CENPP: variants seen among roughly 807,000 people sequenced by gnomAD.
The protein encoded by CENPP is centromere protein P.
In CENPP, 24 loss-of-function variants were observed where a neutral mutation model predicts 35.6. The ratio of observed to expected loss-of-function variants is 0.67; its 90% CI spans 0.49 to 0.95. CENPP has a LOEUF of 0.95. Ranked by LOEUF, CENPP falls within the 40% of genes least tolerant of loss-of-function variation. The probability of loss-of-function intolerance (pLI) is 0.00; values close to 1 mark genes in which losing one functional copy is unlikely to be tolerated. For missense variants in CENPP, 332 were observed against 345.3 expected, an observed-to-expected ratio of 0.96 and a Z score of 0.31; for synonymous variants, 120 against 125.5, an observed-to-expected ratio of 0.96 and a Z score of 0.29.
At position 92,355,282 on chromosome 9, in the gene CENPP, C is replaced by A. The variant is rs571672929; in HGVS notation, c.467+9495C>A. Among the ~76,000 whole-genome samples the A allele has an allele frequency of 4.6e-5, 7 of 152,240 alleles. No individual in the cohort carries two copies. In the South Asian group the frequency reaches 8.3e-4, roughly 18 times the overall value. On this transcript the variant is annotated intron_variant, in intron 4 of 7. Transcript: ENST00000375587. ...CAGAGTGGCTGTTTATAGACCTCCCCCCAGGAATGCATTCCTTTCCCAGGG... is the reference window on the plus strand; with the variant it reads ...CAGAGTGGCTGTTTATAGACCTCCCACCAGGAATGCATTCCTTTCCCAGGG...
chr9:92,470,237 C>G (rs1845461787), intron 5 of CENPP, among the ~76,000 whole-genome samples: 1 of 152,074 alleles, frequency 6.6e-6, no homozygotes, highest in Non-Finnish European at 1.5e-5. Flanking sequence ...AATAAATAAG[C>G]CATACATGTA....
intron 6 of CENPP, 53 bp downstream of exon 6, chr9:92,611,446 C>A: frequency 7.1e-7 from 1 of 1,409,798 alleles, no homozygotes; most frequent in Non-Finnish European, 9.9e-7. Flanking sequence ...ACAAGGATTC[C>A]AAGTAGGAGA....
rs915065491 is a variant in CENPP, at chr9:92,475,052, T to G, written c.564+95193T>G. Reference sequence around the variant, plus strand: ...TTGCTTAGCTAATCTGAGAGTAAATTTATAAAGATTTTTGGAAAGCAATTC... The same window carrying G: ...TTGCTTAGCTAATCTGAGAGTAAATGTATAAAGATTTTTGGAAAGCAATTC... On this transcript the variant is annotated intron_variant, in intron 5 of 7. Transcript: ENST00000375587. 23 of 1,060,154 alleles carry G rather than the reference T, an allele frequency of 2.2e-5. No individual in the cohort carries two copies. The African/African-American group carries it at 3.9e-4, about 18-fold the overall frequency. The allele number at this position is 1,060,154 out of a possible 1,614,324, so 65.7% of individuals were successfully genotyped here.
chr9:92,482,056 GAA>G (rs961859046), intron 5 of CENPP, among the ~76,000 whole-genome samples: 1 of 149,176 alleles, frequency 6.7e-6, no homozygotes, highest in Non-Finnish European at 1.5e-5. Context: ...TCACTTAGCT[GAA>G]AAAAAAAGTC....
chr9:92,353,024 A>G (rs1414073852), intron 4 of CENPP, among the ~76,000 whole-genome samples: 2 of 152,172 alleles, frequency 1.3e-5, no homozygotes, highest in Non-Finnish European at 2.9e-5. Context: ...TGCCTAACAT[A>G]CAACTATCCT....
intron 5 of CENPP, among the ~76,000 whole-genome samples, chr9:92,438,016 C>T (rs1359262617): frequency 6.6e-6 from 1 of 151,118 alleles, no homozygotes; most frequent in Non-Finnish European, 1.5e-5. Context: ...CTGTGTTGCC[C>T]AGGCTGGTCT....
At chr9:92,492,836 A>C (rs1424645259) in intron 5 of CENPP, among the ~76,000 whole-genome samples, 1 of 152,140 alleles carries the variant, frequency 6.6e-6, no homozygotes, top group African/African-American at 2.4e-5. Flanking sequence ...CTCATGTGCC[A>C]CCTGCCCTCA....
intron 5 of CENPP, among the ~76,000 whole-genome samples, chr9:92,485,996 G>C (rs1046579779): frequency 1.3e-5 from 2 of 152,232 alleles, no homozygotes; most frequent in East Asian, 1.9e-4. Flanking sequence ...AATTGGAATA[G>C]ATTGTACAAT....
chr9:92,358,223 C>T (rs1237006684), intron 4 of CENPP, among the ~76,000 whole-genome samples: 3 of 151,660 alleles, frequency 2.0e-5, no homozygotes, highest in African/African-American at 7.3e-5. Flanking sequence ...GACATGTCCC[C>T]ATGTCCCACA....
chr9:92,325,907 C>A, upstream of CENPP: 2 of 1,117,570 alleles, frequency 1.8e-6, no homozygotes, highest in Non-Finnish European at 2.6e-6. Flanking sequence ...ATGGTCCGCG[C>A]CGGGAGCGCG....
At position 92,505,603 on chromosome 9, in the gene CENPP, C is replaced by A. The variant is rs777734751; in HGVS notation, c.565-105711C>A. 34 of 1,611,368 alleles carry A rather than the reference C, an allele frequency of 2.1e-5. No individual in the cohort carries two copies. The highest frequency in any genetic ancestry group is 2.6e-5 in the Non-Finnish European group (31 of 1,179,236). On this transcript the variant is annotated intron_variant, in intron 5 of 7. Coordinates refer to ENST00000375587, the MANE Select transcript of CENPP (RefSeq NM_001012267.3). ...TTTTCCCAGACGCAAGTAGGCTAGG[C>A]TCTTCAAAGGTTTGAAAGCTAAAGG... is the stretch of plus-strand genomic sequence containing the variant.
intron 5 of CENPP, among the ~76,000 whole-genome samples, chr9:92,441,367 G>A (rs898084415): frequency 6.6e-6 from 1 of 152,146 alleles, no homozygotes; most frequent in Non-Finnish European, 1.5e-5. Flanking sequence ...TAGACTGTGG[G>A]AAATGCCTGT....
intron 5 of CENPP, among the ~76,000 whole-genome samples, chr9:92,405,056 T>C (rs1437696701): frequency 6.6e-6 from 1 of 152,168 alleles, no homozygotes; most frequent in African/African-American, 2.4e-5. Context: ...AATTATTTGA[T>C]AGTTTTGTCA....
chr9:92,496,179 T>G, intron 5 of CENPP: 1 of 1,387,160 alleles, frequency 7.2e-7, no homozygotes, highest in Non-Finnish European at 9.3e-7. Context: ...TGTTCATCTG[T>G]GTGTTAGTGA....
chr9:92,389,704 G>T (rs1842588372), intron 5 of CENPP: 2 of 583,394 alleles, frequency 3.4e-6, no homozygotes, highest in Non-Finnish European at 3.0e-6. Flanking sequence ...GAGCCTAATA[G>T]GATGGTTATT....
chr9:92,564,965 G>A (rs1193783177), intron 5 of CENPP, among the ~76,000 whole-genome samples: 1 of 152,016 alleles, frequency 6.6e-6, no homozygotes, highest in Non-Finnish European at 1.5e-5. Flanking sequence ...TCTCTTACAT[G>A]GGTATTCATT....
intron 5 of CENPP, among the ~76,000 whole-genome samples, chr9:92,446,127 A>G (rs886237912): frequency 6.6e-6 from 1 of 152,226 alleles, no homozygotes; most frequent in Middle Eastern, 3.2e-3. Context: ...CCAGGACTTT[A>G]TACAAATGAT....
At chr9:92,352,446 C>T (rs1161590692) in intron 4 of CENPP, among the ~76,000 whole-genome samples, 2 of 138,960 alleles carry the variant, frequency 1.4e-5, no homozygotes, top group South Asian at 2.3e-4. Flanking sequence ...GGCCTTTTCT[C>T]TCAAGCCTGT....
intron 5 of CENPP, among the ~76,000 whole-genome samples, chr9:92,606,116 G>C (rs757868333): frequency 2.0e-5 from 3 of 152,084 alleles, no homozygotes; most frequent in African/African-American, 7.2e-5. Flanking sequence ...ACAAAAATTA[G>C]CCAGGTGTGG....
Sources: allele counts gnomAD v4.1 joint callset (sites outside exome capture counted in the v4.1 genomes callset), GRCh38; gene constraint gnomAD v4.1.1; transcripts MANE v1.5; gene names NCBI Gene and HGNC (gene_info 2026-07-23, HGNC 2026-07-21).